The following RBFOX1 variants were observed in gnomAD, a reference collection of about 807,000 sequenced individuals.
The protein encoded by RBFOX1 is RNA binding fox-1 homolog 1.
RBFOX1 carries 8 observed loss-of-function variants against 57.7 expected under a neutral mutation model. The observed-to-expected ratio is 0.14, with a 90% CI of 0.08 to 0.25. The LOEUF (loss-of-function observed/expected upper bound fraction) is 0.25, where lower values mean the gene tolerates loss of function less well. Among genes scored for constraint, RBFOX1 ranks in the 10% least tolerant of loss-of-function variants. The pLI, the probability that RBFOX1 is intolerant of heterozygous loss-of-function variation, is 1.00. For missense variants in RBFOX1, 611 were observed against 548.5 expected, an observed-to-expected ratio of 1.11 and a Z score of -1.14; for synonymous variants, 326 against 222.4, an observed-to-expected ratio of 1.47 and a Z score of -4.15.
intron 4 of RBFOX1, among the ~76,000 whole-genome samples, chr16:6,013,855 G>C (rs11076999): frequency 0.15 from 22,940 of 151,362 alleles, 1,989 homozygotes; most frequent in East Asian, 0.33. Context: ...AGCAAACTAT[G>C]GCAAGGAAAA....
At chr16:6,182,425 C>G (rs919123884) in intron 1 of RBFOX1, among the ~76,000 whole-genome samples, 3 of 152,108 alleles carry the variant, frequency 2.0e-5, no homozygotes, top group African/African-American at 4.8e-5. Flanking sequence ...TGCATGTTTT[C>G]TTTACAGATG....
chr16:6,683,427 G>A (rs2058964813), intron 3 of RBFOX1, among the ~76,000 whole-genome samples: 1 of 152,006 alleles, frequency 6.6e-6, no homozygotes, highest in Admixed American at 6.6e-5. Flanking sequence ...ATGTATTTGG[G>A]GAGGATATAT....
rs551954110 is a variant in RBFOX1, at chr16:7,504,505, A to C, written c.28-13642A>C. Among the ~76,000 whole-genome samples, 130 of 149,466 alleles carry C rather than the reference A, an allele frequency of 8.7e-4. 1 individual carries two copies. Among genetic ancestry groups the C allele is most frequent in the African/African-American group, 3.1e-3 (124 of 40,052 alleles). ...TTTTATGGTGAATTGTTCCACCATA[A>C]CTCTCACAAATATCACCTCTTATCT... On this transcript the variant is annotated intron_variant, in intron 4 of 15. Transcript: ENST00000550418.
intron 3 of RBFOX1, among the ~76,000 whole-genome samples, chr16:5,721,576 A>T (rs1483026657): frequency 1.3e-5 from 2 of 152,192 alleles, no homozygotes; most frequent in African/African-American, 4.8e-5. Flanking sequence ...GTCTTCGGCC[A>T]TTGCGTATGA....
chr16:7,416,853 A>C (rs897130619), intron 4 of RBFOX1, among the ~76,000 whole-genome samples: 1 of 152,112 alleles, frequency 6.6e-6, no homozygotes, highest in Non-Finnish European at 1.5e-5. Flanking sequence ...CACGTAACAC[A>C]TATTATCTCA....
At chr16:6,883,227 C>G (rs1027518256) in intron 3 of RBFOX1, among the ~76,000 whole-genome samples, 3 of 152,162 alleles carry the variant, frequency 2.0e-5, no homozygotes, top group African/African-American at 7.2e-5. Context: ...TTAGAAATCT[C>G]GCTTTGCTAC....
intron 3 of RBFOX1, among the ~76,000 whole-genome samples, chr16:5,631,680 C>A (rs2048512739): frequency 6.6e-6 from 1 of 152,140 alleles, no homozygotes; most frequent in Admixed American, 6.6e-5. Flanking sequence ...ACGGAAGCTA[C>A]TTGATCATTG....
chr16:6,929,997 A>C (rs2076243920), intron 3 of RBFOX1, among the ~76,000 whole-genome samples: 1 of 152,170 alleles, frequency 6.6e-6, no homozygotes, highest in Non-Finnish European at 1.5e-5. Context: ...AAGTAATAGG[A>C]AAAACAGAGC....
At chr16:5,319,141 A>G (rs550735449) in intron 1 of RBFOX1, among the ~76,000 whole-genome samples, 3 of 152,110 alleles carry the variant, frequency 2.0e-5, no homozygotes, top group Non-Finnish European at 4.4e-5. Context: ...AAACAAACAA[A>G]CAAACAAACA....
At chr16:6,201,104 A>G (rs561159076) in intron 1 of RBFOX1, among the ~76,000 whole-genome samples, 1 of 152,216 alleles carries the variant, frequency 6.6e-6, no homozygotes, top group East Asian at 1.9e-4. Flanking sequence ...ATGTCCCTCC[A>G]GTTCCACCCA....
At chr16:7,455,152 A>C (rs1429633212) in intron 4 of RBFOX1, among the ~76,000 whole-genome samples, 3 of 152,198 alleles carry the variant, frequency 2.0e-5, no homozygotes, top group Non-Finnish European at 4.4e-5. Context: ...ATATTATTAG[A>C]AGCAGCTAGA....
chr16:6,057,527 C>T (rs923681003), intron 1 of RBFOX1, among the ~76,000 whole-genome samples: 5 of 151,866 alleles, frequency 3.3e-5, no homozygotes, highest in South Asian at 2.1e-4. Flanking sequence ...TGTTGAAACA[C>T]GACAGGCTTG....
intron 1 of RBFOX1, among the ~76,000 whole-genome samples, chr16:5,371,826 G>A (rs1237919964): frequency 6.6e-6 from 1 of 152,166 alleles, no homozygotes; most frequent in Non-Finnish European, 1.5e-5. Flanking sequence ...CCCACCTGAG[G>A]GAGAAATAAA....
At chr16:7,009,849 A>G (rs2093563702) in intron 3 of RBFOX1, among the ~76,000 whole-genome samples, 1 of 152,204 alleles carries the variant, frequency 6.6e-6, no homozygotes, top group African/African-American at 2.4e-5. Flanking sequence ...ATCAAAGCAA[A>G]CTACGAATAT....
chr16:6,098,320 C>G (rs1018303469), intron 1 of RBFOX1, among the ~76,000 whole-genome samples: 21 of 152,180 alleles, frequency 1.4e-4, no homozygotes, highest in African/African-American at 4.8e-4. Flanking sequence ...ATAGAAACGC[C>G]ACCGCCTGCC....
At chr16:6,274,932 A>G (rs2075632158) in intron 1 of RBFOX1, among the ~76,000 whole-genome samples, 1 of 152,190 alleles carries the variant, frequency 6.6e-6, no homozygotes, top group African/African-American at 2.4e-5. Flanking sequence ...CTAGTGGAAA[A>G]GCATTCTGGA....
At chr16:6,131,844 A>T (rs1040976978) in intron 1 of RBFOX1, among the ~76,000 whole-genome samples, 1 of 151,966 alleles carries the variant, frequency 6.6e-6, no homozygotes, top group Middle Eastern at 3.4e-3. Flanking sequence ...TTCTCCTGCC[A>T]CTCTCTGGCT....
At chr16:6,062,715 A>C (rs1160934092) in intron 1 of RBFOX1, among the ~76,000 whole-genome samples, 2 of 151,668 alleles carry the variant, frequency 1.3e-5, no homozygotes, top group African/African-American at 4.8e-5. Context: ...ATATAGTTAC[A>C]TTTATATCAC....
At chr16:5,999,844 G>A (rs1312400173) in intron 4 of RBFOX1, among the ~76,000 whole-genome samples, 1 of 120,106 alleles carries the variant, frequency 8.3e-6, no homozygotes, top group Non-Finnish European at 1.6e-5. Flanking sequence ...CTCCAGCCTG[G>A]GCGACAGAGC....
Sources: allele counts gnomAD v4.1 joint callset (sites outside exome capture counted in the v4.1 genomes callset), GRCh38; gene constraint gnomAD v4.1.1; transcripts MANE v1.5; gene names NCBI Gene and HGNC (gene_info 2026-07-23, HGNC 2026-07-21).